The following MSRA variants were observed in gnomAD, a reference collection of about 807,000 sequenced individuals.
MSRA encodes the protein methionine sulfoxide reductase A.
MSRA carries 54 observed loss-of-function variants against 31.3 expected under a neutral mutation model. The observed-to-expected ratio is 1.73, with a 90% CI of 1.39 to 2.17. The LOEUF (loss-of-function observed/expected upper bound fraction) is 2.17, where lower values mean the gene tolerates loss of function less well. Ranked by LOEUF, MSRA falls within the 30% of genes most tolerant of loss-of-function variation. The probability of loss-of-function intolerance (pLI) is 0.00; values close to 1 mark genes in which losing one functional copy is unlikely to be tolerated. For missense variants in MSRA, 507 were observed against 300.9 expected (o/e 1.69, Z -5.07); for synonymous variants, 169 against 116.5 (o/e 1.45, Z -2.90).
At chr8:10,150,903 A>T (rs1005548083) in intron 1 of MSRA, among the ~76,000 whole-genome samples, 1 of 151,910 alleles carries the variant, frequency 6.6e-6, no homozygotes, top group Non-Finnish European at 1.5e-5. Flanking sequence ...CTCTCATTTT[A>T]TATATCAGTA....
At chr8:10,404,850 C>T (rs1478441146) in intron 5 of MSRA, among the ~76,000 whole-genome samples, 3 of 152,146 alleles carry the variant, frequency 2.0e-5, no homozygotes. Context: ...TCCCACTTCC[C>T]AAGCACGGCA....
chr8:10,252,614 C>T (rs1377601738), intron 3 of MSRA, among the ~76,000 whole-genome samples: 1 of 152,194 alleles, frequency 6.6e-6, no homozygotes, highest in Non-Finnish European at 1.5e-5. Flanking sequence ...TCACCTCCCT[C>T]CCTTTCAAGC....
intron 1 of MSRA, among the ~76,000 whole-genome samples, chr8:10,099,688 G>T (rs774839722): frequency 2.6e-5 from 4 of 152,160 alleles, no homozygotes; most frequent in Non-Finnish European, 2.9e-5. Flanking sequence ...TTGTTTCTCT[G>T]TTGCTGGCTA....
intron 3 of MSRA, among the ~76,000 whole-genome samples, chr8:10,277,325 A>T (rs1474624090): frequency 1.3e-5 from 2 of 152,210 alleles, no homozygotes; most frequent in Non-Finnish European, 2.9e-5. Context: ...CAAAGAACAC[A>T]GCTCTAGGAG....
chr8:10,385,852 C>T (rs1013352186), intron 5 of MSRA, among the ~76,000 whole-genome samples: 10 of 151,882 alleles, frequency 6.6e-5, no homozygotes, highest in Non-Finnish European at 1.2e-4. Context: ...GACAGAATAG[C>T]GCCAGTGTGG....
At chr8:10,099,347 G>C (rs12680389) in intron 1 of MSRA, among the ~76,000 whole-genome samples, 28,644 of 152,136 alleles carry the variant, frequency 0.19, 3,685 homozygotes, top group East Asian at 0.53. Context: ...TCATTCAGCA[G>C]ATACTCCCAG....
chr8:10,427,390 G>A (rs1198546651), intron 5 of MSRA, among the ~76,000 whole-genome samples: 1 of 152,190 alleles, frequency 6.6e-6, no homozygotes, highest in Non-Finnish European at 1.5e-5. Context: ...CCCAGCTTGT[G>A]TTGATGCGTG....
intron 1 of MSRA, among the ~76,000 whole-genome samples, chr8:10,125,713 T>C (rs902198912): frequency 6.6e-6 from 1 of 152,226 alleles, no homozygotes; most frequent in South Asian, 2.1e-4. Context: ...TCTTAAATGT[T>C]TGTGGTGGTA....
intron 2 of MSRA, among the ~76,000 whole-genome samples, chr8:10,243,206 G>A (rs571492075): frequency 1.5e-4 from 23 of 152,194 alleles, no homozygotes; most frequent in South Asian, 6.2e-4. Flanking sequence ...GCTGTTAGTC[G>A]TTGTGCAGCA....
At chr8:10,403,024 T>G (rs900211854) in intron 5 of MSRA, among the ~76,000 whole-genome samples, 1 of 152,104 alleles carries the variant, frequency 6.6e-6, no homozygotes, top group African/African-American at 2.4e-5. Context: ...TGTAGCCAAG[T>G]TCATGCACAA....
intron 1 of MSRA, among the ~76,000 whole-genome samples, chr8:10,065,305 A>G (rs1386030429): frequency 6.6e-6 from 1 of 152,160 alleles, no homozygotes; most frequent in Non-Finnish European, 1.5e-5. Flanking sequence ...TGACACCAGG[A>G]GTAGAAACTT....
intron 1 of MSRA, among the ~76,000 whole-genome samples, chr8:10,176,317 G>T (rs1160013530): frequency 6.6e-6 from 1 of 152,140 alleles, no homozygotes; most frequent in Non-Finnish European, 1.5e-5. Flanking sequence ...CCTCCTCAGA[G>T]ATGCCAGCTC....
intron 3 of MSRA, among the ~76,000 whole-genome samples, chr8:10,293,043 C>T (rs941271055): frequency 6.6e-5 from 10 of 152,146 alleles, no homozygotes; most frequent in Middle Eastern, 3.2e-3. Flanking sequence ...GGGGTTGTCT[C>T]CGTCCCTCGT....
intron 1 of MSRA, among the ~76,000 whole-genome samples, chr8:10,161,177 G>T (rs1002510609): frequency 6.6e-6 from 1 of 151,946 alleles, no homozygotes; most frequent in African/African-American, 2.4e-5. Context: ...CTCCTTTGCC[G>T]CCTGGTTCAA....
At chr8:10,323,774 GTC>G (rs1491083315) in intron 5 of MSRA, among the ~76,000 whole-genome samples, 1 of 147,220 alleles carries the variant, frequency 6.8e-6, no homozygotes, top group Non-Finnish European at 1.5e-5. Flanking sequence ...GTGTGTGTGT[GTC>G]TGTGTCTGTC....
chr8:10,316,200 A>G (rs1401294257), intron 4 of MSRA, among the ~76,000 whole-genome samples: 2 of 151,848 alleles, frequency 1.3e-5, no homozygotes, highest in African/African-American at 2.4e-5. Context: ...GAGCCACATA[A>G]TATCTTTCAT....
chr8:10,263,730 T>A (rs977032958), intron 3 of MSRA, among the ~76,000 whole-genome samples: 11 of 152,118 alleles, frequency 7.2e-5, no homozygotes, highest in Non-Finnish European at 1.5e-5. Flanking sequence ...GGGAAAGAGC[T>A]GAGTAGGACA....
intron 5 of MSRA, among the ~76,000 whole-genome samples, chr8:10,357,489 T>C (rs1804575684): frequency 6.6e-6 from 1 of 152,236 alleles, no homozygotes; most frequent in African/African-American, 2.4e-5. Flanking sequence ...TTGCAATTAC[T>C]ATCTTTATTG....
Position 10,423,009 on chromosome 8 carries a change from T to A in MSRA, c.544-5139T>A, listed in dbSNP as rs375316247. On this transcript the variant is annotated intron_variant, in intron 5 of 5. Transcript: ENST00000317173. Reference sequence around the variant, plus strand: ...CCCTGCCTCCCTCTGTCCAGCACAGTGTTTCTGGTGACATCCCACTGTCAC... The same window carrying A: ...CCCTGCCTCCCTCTGTCCAGCACAGAGTTTCTGGTGACATCCCACTGTCAC... Among the ~76,000 whole-genome samples, 101 of 152,262 alleles carry A rather than the reference T, an allele frequency of 6.6e-4. 1 individual carries two copies. The highest frequency in any genetic ancestry group is 2.0e-3 in the African/African-American group (83 of 41,556).
Sources: gnomAD v4.1 joint callset for allele counts (sites outside exome capture counted in the v4.1 genomes callset) on GRCh38, gnomAD v4.1.1 for gene constraint, MANE v1.5 for transcripts, NCBI Gene and HGNC (gene_info 2026-07-23, HGNC 2026-07-21) for gene names.